Variants in AUTS2 observed in about 807,000 individuals in gnomAD.
AUTS2 encodes the protein activator of transcription and developmental regulator AUTS2.
In AUTS2, 17 loss-of-function variants were observed where a neutral mutation model predicts 112.4. The observed-to-expected ratio is 0.15, with a 90% CI of 0.10 to 0.23. The LOEUF (loss-of-function observed/expected upper bound fraction) is 0.23, where lower values mean the gene tolerates loss of function less well. Among genes scored for constraint, AUTS2 ranks in the 10% least tolerant of loss-of-function variants. The pLI is 1.00. For missense variants in AUTS2, 1,510 were observed against 1,701.6 expected (o/e 0.89, Z 1.98); for synonymous variants, 751 against 702.7 (o/e 1.07, Z -1.09).
chr7:70,292,562 A>T (rs1487674306), intron 4 of AUTS2: 1 of 152,254 alleles, frequency 6.6e-6, no homozygotes, highest in Non-Finnish European at 1.5e-5. Flanking sequence ...GTAAACTTCT[A>T]AATGCAGGAC....
intron 1 of AUTS2, among the ~76,000 whole-genome samples, chr7:69,775,458 A>G (rs2129304900): frequency 6.6e-6 from 1 of 152,290 alleles, no homozygotes; most frequent in East Asian, 1.9e-4. Flanking sequence ...AATCTTGTCA[A>G]GGAAGCCCAG....
intron 4 of AUTS2, among the ~76,000 whole-genome samples, chr7:70,274,809 A>G (rs914453428): frequency 6.6e-6 from 1 of 152,180 alleles, no homozygotes; most frequent in Non-Finnish European, 1.5e-5. Context: ...TCAAAAATGT[A>G]TCCTTTTGGA....
chr7:69,733,965 A>G (rs1407007291), intron 1 of AUTS2, among the ~76,000 whole-genome samples: 3 of 152,158 alleles, frequency 2.0e-5, no homozygotes, highest in Non-Finnish European at 4.4e-5. Context: ...AGACTTATTC[A>G]ACCTCTTTTT....
At chr7:70,605,554 T>TTTG (rs1803707292) in intron 5 of AUTS2, among the ~76,000 whole-genome samples, 1 of 145,200 alleles carries the variant, frequency 6.9e-6, no homozygotes, top group Non-Finnish European at 1.5e-5. Flanking sequence ...CTCTTTTTTT[T>TTTG]TTTTTTTTTT....
chr7:70,560,242 A>G (rs1315260053), intron 5 of AUTS2, among the ~76,000 whole-genome samples: 1 of 152,140 alleles, frequency 6.6e-6, no homozygotes, highest in East Asian at 1.9e-4. Context: ...CACTCTATCT[A>G]CTTATCCAGC....
intron 5 of AUTS2, among the ~76,000 whole-genome samples, chr7:70,459,242 T>G (rs1395751993): frequency 6.6e-6 from 1 of 152,252 alleles, no homozygotes; most frequent in Admixed American, 6.5e-5. Flanking sequence ...CAGATTTCTT[T>G]CTGCATAGCA....
intron 1 of AUTS2, among the ~76,000 whole-genome samples, chr7:69,832,536 A>G (rs1432535580): frequency 6.6e-6 from 1 of 152,198 alleles, no homozygotes; most frequent in African/African-American, 2.4e-5. Flanking sequence ...CCATGGGTCA[A>G]CTGGTGTTGA....
chr7:70,779,887 A>C (rs1194843364), intron 14 of AUTS2, among the ~76,000 whole-genome samples: 1 of 152,096 alleles, frequency 6.6e-6, no homozygotes, highest in Non-Finnish European at 1.5e-5. Flanking sequence ...AAAATGAAAA[A>C]ACATTAGCTG....
intron 2 of AUTS2, among the ~76,000 whole-genome samples, chr7:69,906,973 G>A (rs1795172435): frequency 1.3e-5 from 2 of 152,128 alleles, no homozygotes. Flanking sequence ...TGGGCATGGT[G>A]ACGCATGCCT....
At chr7:70,049,609 C>T (rs912311847) in intron 2 of AUTS2, among the ~76,000 whole-genome samples, 7 of 152,210 alleles carry the variant, frequency 4.6e-5, no homozygotes, top group Admixed American at 2.0e-4. Flanking sequence ...GGATTACAGG[C>T]GCCCAGCCAG....
chr7:70,114,629 C>T (rs1023939556), intron 2 of AUTS2, among the ~76,000 whole-genome samples: 10 of 151,858 alleles, frequency 6.6e-5, no homozygotes, highest in African/African-American at 1.9e-4. Flanking sequence ...CCCATCTGTA[C>T]TAAAAATACA....
chr7:70,334,490 A>G (rs1490093480), intron 4 of AUTS2, among the ~76,000 whole-genome samples: 1 of 152,148 alleles, frequency 6.6e-6, no homozygotes, highest in Non-Finnish European at 1.5e-5. Context: ...CACTGTGTAG[A>G]GTATTGGGGG....
chr7:70,476,216 GCT>G (rs1473083343), intron 5 of AUTS2, among the ~76,000 whole-genome samples: 1 of 152,030 alleles, frequency 6.6e-6, no homozygotes, highest in Non-Finnish European at 1.5e-5. Flanking sequence ...CTTAGTCTCA[GCT>G]CTCTTGTCTT....
chr7:69,713,471 T>C (rs568670935), intron 1 of AUTS2, among the ~76,000 whole-genome samples: 39 of 151,806 alleles, frequency 2.6e-4, no homozygotes, highest in African/African-American at 8.7e-4. Flanking sequence ...TTTTTTTTTT[T>C]TTTTTTGAGA....
At chr7:69,708,350 G>A (rs1030463564) in intron 1 of AUTS2, among the ~76,000 whole-genome samples, 2 of 152,108 alleles carry the variant, frequency 1.3e-5, no homozygotes, top group African/African-American at 4.8e-5. Flanking sequence ...GAAAGAAGAC[G>A]ACACTGGTAA....
intron 4 of AUTS2, among the ~76,000 whole-genome samples, chr7:70,369,805 T>C (rs1792757398): frequency 6.6e-6 from 1 of 152,188 alleles, no homozygotes; most frequent in Non-Finnish European, 1.5e-5. Flanking sequence ...AATCCAGGTA[T>C]CTTCTCCTCA....
intron 5 of AUTS2, among the ~76,000 whole-genome samples, chr7:70,686,653 C>G (rs1445643450): frequency 6.6e-6 from 1 of 151,948 alleles, no homozygotes; most frequent in African/African-American, 2.4e-5. Flanking sequence ...GCCTCAGCCT[C>G]CCCCGAGAAG....
At chr7:70,425,190 G>A (rs911601733) in intron 4 of AUTS2, among the ~76,000 whole-genome samples, 1 of 152,154 alleles carries the variant, frequency 6.6e-6, no homozygotes, top group Admixed American at 6.5e-5. Flanking sequence ...GGTTGCAGCA[G>A]CTTCATTACC....
chr7:70,265,713 A>T (rs1787389549), intron 4 of AUTS2, among the ~76,000 whole-genome samples: 1 of 152,204 alleles, frequency 6.6e-6, no homozygotes, highest in Non-Finnish European at 1.5e-5. Flanking sequence ...ACTGATTGGG[A>T]CAGTGAATAT....
Sources: allele counts gnomAD v4.1 joint callset (sites outside exome capture counted in the v4.1 genomes callset), GRCh38; gene constraint gnomAD v4.1.1; transcripts MANE v1.5; gene names NCBI Gene and HGNC (gene_info 2026-07-23, HGNC 2026-07-21).